The following TIGAR variants were observed in gnomAD, a reference collection of about 807,000 sequenced individuals.
TIGAR encodes the protein fructose-2,6-bisphosphatase TIGAR.
Under a neutral mutation model 17.9 loss-of-function variants are expected in TIGAR, and 7 were observed. The ratio of observed to expected loss-of-function variants is 0.39; its 90% CI spans 0.22 to 0.73. The LOEUF is 0.73. TIGAR is among the 30% of genes least tolerant of loss of function. TIGAR has a pLI of 0.42. For missense variants in TIGAR, 258 were observed against 327.4 expected (o/e 0.79, Z 1.64); for synonymous variants, 94 against 108.6 (o/e 0.87, Z 0.84).
chr12:4,327,219 G>T (rs1864554953), intron 1 of TIGAR, among the ~76,000 whole-genome samples: 1 of 152,096 alleles, frequency 6.6e-6, no homozygotes, highest in African/African-American at 2.4e-5. Context: ...GACCAGCCTG[G>T]CCAACATGGT....
intron 3 of TIGAR, among the ~76,000 whole-genome samples, chr12:4,345,658 A>G (rs1864771363): frequency 6.6e-6 from 1 of 152,240 alleles, no homozygotes. Flanking sequence ...TAAAAACCCT[A>G]GAAGAAAACC....
chr12:4,331,755 C>T (rs1413065451), intron 2 of TIGAR, among the ~76,000 whole-genome samples: 1 of 152,058 alleles, frequency 6.6e-6, no homozygotes, highest in Non-Finnish European at 1.5e-5. Flanking sequence ...CACATGTGGT[C>T]GTTACTTTAT....
chr12:4,359,560 T>A lies in TIGAR; in HGVS notation c.*6869T>A, dbSNP rs991262951. ...AGTGCCTTTAAAAAAATTACTGCAT[T>A]GAATTCCAATGCATAGATACACAAC... On this transcript the variant is annotated 3_prime_UTR_variant, in exon 6 of 6. Coordinates refer to ENST00000179259, the MANE Select transcript of TIGAR (RefSeq NM_020375.3). Among the ~76,000 whole-genome samples the A allele has an allele frequency of 3.9e-5, 6 of 152,158 alleles. No homozygotes were observed. The highest frequency in any genetic ancestry group is 8.8e-5 in the Non-Finnish European group (6 of 68,016).
chr12:4,348,085 G>A (rs138325307), intron 3 of TIGAR, among the ~76,000 whole-genome samples: 2 of 152,138 alleles, frequency 1.3e-5, no homozygotes, highest in South Asian at 2.1e-4. Context: ...GCAGTGAATC[G>A]TGATTGTGTC....
rs1864872004 is a variant in TIGAR, at chr12:4,354,337, C to A, written c.*1646C>A. 1 of 152,002 alleles carries A rather than the reference C, an allele frequency of 6.6e-6. No individual in the cohort carries two copies. The highest frequency in any genetic ancestry group is 6.6e-5 in the Admixed American group (1 of 15,260). The allele number at this position is 152,002 out of a possible 1,614,324, so 9.4% of individuals were successfully genotyped here. The stretch of plus-strand genomic sequence containing the variant: ...AGACAATAATTATCTCCATTCCCAC[C>A]ATACTGAAGTCATCTTTCCACTTTT... On this transcript the variant is annotated 3_prime_UTR_variant, in exon 6 of 6. Transcript: ENST00000179259.
chr12:4,323,427 C>T (rs1864503247), intron 1 of TIGAR, among the ~76,000 whole-genome samples: 1 of 152,142 alleles, frequency 6.6e-6, no homozygotes, highest in Non-Finnish European at 1.5e-5. Context: ...GGGTTTGATT[C>T]CGGAGGCCCT....
Position 4,345,519 on chromosome 12 carries a change from T to C in TIGAR, c.193-4300T>C, listed in dbSNP as rs576904012. Reference sequence around the variant, plus strand: ...AACAAGAAATGGGGAAAGGATTCCCTATTCAACAAATGGTGCTGGGAAAAC... The same window carrying C: ...AACAAGAAATGGGGAAAGGATTCCCCATTCAACAAATGGTGCTGGGAAAAC... On this transcript the variant is annotated intron_variant, in intron 3 of 5. Transcript: ENST00000179259. 2.6e-5 allele frequency among the ~76,000 whole-genome samples: 4 copies of C among 152,354 alleles called. No homozygotes were observed. In the East Asian group the frequency reaches 5.8e-4, roughly 22 times the overall value.
Position 4,337,041 on chromosome 12 carries a change from C to G in TIGAR, c.73C>G (p.Gln25Glu). The part of the protein sequence containing the change: ...RFNKEKIIQG[Q>E]GVDEPLSETG... Reference sequence around the variant, plus strand: ...TTCCTCTTCTTAATATATCACAGGACAAGGAGTAGATGAACCTCTTTCAGA... The same window carrying G: ...TTCCTCTTCTTAATATATCACAGGAGAAGGAGTAGATGAACCTCTTTCAGA... The change falls in exon 3 of 6, where the codon CAA becomes GAA. Residue 25 changes from glutamine to glutamate, a missense_variant and splice_region_variant. Coordinates refer to ENST00000179259, the MANE Select transcript of TIGAR (RefSeq NM_020375.3). The G allele has an allele frequency of 6.2e-7, 1 of 1,605,658 alleles. No individual in the cohort carries two copies. Among genetic ancestry groups the G allele is most frequent in the Non-Finnish European group, 8.5e-7 (1 of 1,172,882 alleles).
intron 1 of TIGAR, among the ~76,000 whole-genome samples, chr12:4,329,612 C>T (rs540313576): frequency 2.0e-5 from 3 of 152,216 alleles, no homozygotes; most frequent in South Asian, 4.1e-4. Flanking sequence ...GCTGGAATTA[C>T]GGGCATGAGC....
chr12:4,354,352 T>C lies in TIGAR; in HGVS notation c.*1661T>C, dbSNP rs1318218310. 1.3e-5 allele frequency: 2 copies of C among 152,084 alleles called. No homozygotes were observed. Among genetic ancestry groups the C allele is most frequent in the African/African-American group, 4.8e-5 (2 of 41,336 alleles). 9.4% of individuals were successfully genotyped at this position (152,084 alleles called of 1,614,324 possible). ...CCATTCCCACCATACTGAAGTCATC[T>C]TTCCACTTTTTTTTTTAAAGAAACA... On this transcript the variant is annotated 3_prime_UTR_variant, in exon 6 of 6. Coordinates refer to ENST00000179259, the MANE Select transcript of TIGAR (RefSeq NM_020375.3).
Position 4,337,019 on chromosome 12 carries a change from C to T in TIGAR, c.71-20C>T, listed in dbSNP as rs375097199. 3.4e-4 allele frequency: 544 copies of T among 1,577,562 alleles called. No homozygotes were observed. The highest frequency in any genetic ancestry group is 4.4e-4 in the Non-Finnish European group (505 of 1,152,636). ...TATGTAGTTTTGAATGTTATTGTTC[C>T]TCTTCTTAATATATCACAGGACAAG... On this transcript the variant is annotated intron_variant, in intron 2 of 5. Coordinates refer to ENST00000179259, the MANE Select transcript of TIGAR (RefSeq NM_020375.3).
In TIGAR at chr12:4,321,314, C is replaced by T. The variant is rs931908285; in HGVS notation, c.32+11C>T. 2 of 1,600,870 alleles carry T rather than the reference C, an allele frequency of 1.2e-6. No homozygotes were observed. The highest frequency in any genetic ancestry group is 1.7e-6 in the Non-Finnish European group (2 of 1,179,758). ...GACTGTTGTCCGGCAGTGAGTATGG[C>T]TGTGGCAGGATGTCTTTCTCTCTCT... On this transcript the variant is annotated intron_variant, in intron 1 of 5. Coordinates refer to ENST00000179259, the MANE Select transcript of TIGAR (RefSeq NM_020375.3). This position sits in a 1 kb window ranked among gnomAD's most constrained non-coding sequence, Gnocchi z 5.2.
Position 4,352,994 on chromosome 12 carries a change from A to T in TIGAR, c.*303A>T. On this transcript the variant is annotated 3_prime_UTR_variant, in exon 6 of 6. Coordinates refer to ENST00000179259, the MANE Select transcript of TIGAR (RefSeq NM_020375.3). The stretch of plus-strand genomic sequence containing the variant: ...TTGGGGGATTAGTAACCTTGTTACA[A>T]CGGTTTCTTTTTCATTTTAGCCTAT... 1 of 322,320 alleles carries T rather than the reference A, an allele frequency of 3.1e-6. No individual in the cohort carries two copies. 20.0% of individuals were successfully genotyped at this position (322,320 alleles called of 1,614,324 possible).
intron 2 of TIGAR, among the ~76,000 whole-genome samples, chr12:4,334,278 T>C (rs1234918492): frequency 2.0e-5 from 3 of 152,116 alleles, no homozygotes; most frequent in Admixed American, 6.6e-5. Context: ...AGGACCTGAT[T>C]CCTGGTTTGC....
rs572693131 is a variant in TIGAR, at chr12:4,329,442, A to T, written c.33-1838A>T. Among the ~76,000 whole-genome samples, 20 of 146,414 alleles carry T rather than the reference A, an allele frequency of 1.4e-4. No homozygotes were observed. In the South Asian group the frequency reaches 3.0e-3, roughly 22 times the overall value. On this transcript the variant is annotated intron_variant, in intron 1 of 5. Transcript: ENST00000179259. ...CAACCTCTGCCTCCCGGGTTTAAAC[A>T]ATTCTTGTGCCTCAGTCTCCCGAGT...
chr12:4,321,985 GATTTTT>G lies in TIGAR; in HGVS notation c.32+695_32+700del, dbSNP rs1864483280. 3.4e-5 allele frequency among the ~76,000 whole-genome samples: 4 copies of G among 118,834 alleles called. No homozygotes were observed. In the South Asian group the frequency reaches 8.4e-4, roughly 25 times the overall value. 78.0% of individuals were successfully genotyped at this position (118,834 alleles called of 152,430 possible). The stretch of plus-strand genomic sequence containing the variant: ...GAAAATCAGGGTAGTTAAGAGCACA[GATTTTT>G]ATTTTTATTTTTTTTTTTTTGTGAG... On this transcript the variant is annotated intron_variant, in intron 1 of 5. Transcript: ENST00000179259. The surrounding 1 kb of genome is among the most constrained non-coding windows in gnomAD (Gnocchi z 5.2).
At chr12:4,328,916 T>C (rs1864575361) in intron 1 of TIGAR, among the ~76,000 whole-genome samples, 2 of 152,202 alleles carry the variant, frequency 1.3e-5, no homozygotes, top group African/African-American at 4.8e-5. Context: ...GTTTATTTTT[T>C]AAGCTAATAC....
intron 5 of TIGAR, 45 bp downstream of exon 5, chr12:4,351,422 A>T (rs755509343): frequency 6.5e-7 from 1 of 1,528,882 alleles, no homozygotes; most frequent in South Asian, 1.1e-5. Flanking sequence ...TAAGACTCAA[A>T]ATTAGATGTT....
In TIGAR at chr12:4,331,740, A is replaced by G. The variant is rs117685143; in HGVS notation, c.70+423A>G. ...GTAATAAAGGTTTAAAAAAAGAACT[A>G]TTTTCACATGTGGTCGTTACTTTAT... On this transcript the variant is annotated intron_variant, in intron 2 of 5. Coordinates refer to ENST00000179259, the MANE Select transcript of TIGAR (RefSeq NM_020375.3). Among the ~76,000 whole-genome samples the G allele has an allele frequency of 9.1e-3, 1,387 of 152,230 alleles. 12 individuals carry two copies. The highest frequency in any genetic ancestry group is 0.017 in the Middle Eastern group (5 of 292).
Sources: gnomAD v4.1 joint callset for allele counts (sites outside exome capture counted in the v4.1 genomes callset) on GRCh38, gnomAD v4.1.1 for gene constraint, Gnocchi (gnomAD v3.1) non-coding constraint, MANE v1.5 for transcripts, NCBI Gene and HGNC (gene_info 2026-07-23, HGNC 2026-07-21) for gene names.